PACSIN2: variants seen among roughly 807,000 people sequenced by gnomAD.
PACSIN2 encodes the protein protein kinase C and casein kinase substrate in neurons 2.
A neutral mutation model predicts 63.8 loss-of-function variants in PACSIN2; 25 were observed. That is an observed-to-expected ratio of 0.39 (90% CI 0.29 to 0.55). The LOEUF (loss-of-function observed/expected upper bound fraction) is 0.55, where lower values mean the gene tolerates loss of function less well. Among genes scored for constraint, PACSIN2 ranks in the 20% least tolerant of loss-of-function variants. The probability of loss-of-function intolerance (pLI) is 0.62; values close to 1 mark genes in which losing one functional copy is unlikely to be tolerated. For missense variants in PACSIN2, 518 were observed against 646.9 expected (o/e 0.80, Z 2.16); for synonymous variants, 255 against 256.2 (o/e 1.00, Z 0.05).
intron 1 of PACSIN2, among the ~76,000 whole-genome samples, chr22:43,000,855 T>C (rs1011134261): frequency 1.3e-5 from 2 of 152,224 alleles, no homozygotes; most frequent in African/African-American, 4.8e-5. Context: ...CGTGATCCAA[T>C]CACATTGACT....
At chr22:42,901,133 T>C (rs779930159) in intron 2 of PACSIN2, among the ~76,000 whole-genome samples, 2 of 152,106 alleles carry the variant, frequency 1.3e-5, no homozygotes, top group Non-Finnish European at 2.9e-5. Flanking sequence ...TCTGTGGCCC[T>C]GAAGGCCCAA....
intron 1 of PACSIN2, among the ~76,000 whole-genome samples, chr22:42,974,344 T>C (rs1486493601): frequency 6.6e-6 from 1 of 152,170 alleles, no homozygotes; most frequent in Non-Finnish European, 1.5e-5. Context: ...TAATTAGATA[T>C]GATCTACTTC....
At chr22:42,963,194 T>G (rs1332872114) in intron 1 of PACSIN2, among the ~76,000 whole-genome samples, 3 of 152,106 alleles carry the variant, frequency 2.0e-5, no homozygotes, top group Non-Finnish European at 4.4e-5. Context: ...GCAGCCAAGG[T>G]CCCTGCCCCG....
chr22:42,905,168 G>T (rs939887591), intron 2 of PACSIN2, among the ~76,000 whole-genome samples: 16 of 152,234 alleles, frequency 1.1e-4, no homozygotes, highest in African/African-American at 3.6e-4. Context: ...ACCCCGAAGT[G>T]CTAAATTCCC....
intron 5 of PACSIN2, 107 bp downstream of exon 5, chr22:42,888,536 T>C: frequency 9.1e-7 from 1 of 1,101,028 alleles, no homozygotes; most frequent in Non-Finnish European, 1.4e-6. Flanking sequence ...TGGTTATTTA[T>C]CCCTCTATCC....
chr22:42,950,425 T>TGGGGGAGGGGAGGGGGG (rs1569313906), intron 1 of PACSIN2, among the ~76,000 whole-genome samples: 1 of 13,706 alleles, frequency 7.3e-5, no homozygotes, highest in South Asian at 2.1e-3. Context: ...GGGAAGGGAG[T>TGGGGGAGGGGAGGGGGG]GGGCAGGTGG....
intron 1 of PACSIN2, among the ~76,000 whole-genome samples, chr22:42,932,951 ACC>A (rs1932812228): frequency 6.6e-6 from 1 of 152,208 alleles, no homozygotes; most frequent in African/African-American, 2.4e-5. Flanking sequence ...AATCAGAGGA[ACC>A]AACTGTGTTA....
intron 1 of PACSIN2, among the ~76,000 whole-genome samples, chr22:43,010,613 G>C (rs1490360058): frequency 6.6e-6 from 1 of 152,056 alleles, no homozygotes; most frequent in Non-Finnish European, 1.5e-5. Context: ...GGGAGGCTGA[G>C]GCAGGAGAAT....
At chr22:42,890,123 T>C (rs1005195278) in intron 4 of PACSIN2, among the ~76,000 whole-genome samples, 2 of 151,224 alleles carry the variant, frequency 1.3e-5, no homozygotes, top group Admixed American at 6.6e-5. Context: ...TCCCTCAGCC[T>C]CCTGAGTAGC....
chr22:42,965,888 A>G (rs1294851919), intron 1 of PACSIN2, among the ~76,000 whole-genome samples: 2 of 152,100 alleles, frequency 1.3e-5, no homozygotes, highest in Admixed American at 1.3e-4. Context: ...GTAAATCTTA[A>G]ATTCTAGAAA....
At chr22:42,906,677 T>C (rs560704876) in intron 2 of PACSIN2, among the ~76,000 whole-genome samples, 194 of 152,238 alleles carry the variant, frequency 1.3e-3, no homozygotes, top group Non-Finnish European at 2.2e-3. Flanking sequence ...CTGAAAAAGG[T>C]AGGTATACAG....
intron 1 of PACSIN2, among the ~76,000 whole-genome samples, chr22:42,954,886 C>T (rs1473954700): frequency 6.6e-6 from 1 of 152,124 alleles, no homozygotes; most frequent in Non-Finnish European, 1.5e-5. Flanking sequence ...TAAGAACAAA[C>T]TGGTTTGGAT....
At chr22:42,983,006 C>T (rs915890558) in intron 1 of PACSIN2, among the ~76,000 whole-genome samples, 2 of 151,416 alleles carry the variant, frequency 1.3e-5, no homozygotes, top group African/African-American at 2.4e-5. Context: ...CATGGTGAAA[C>T]CCCATCTCTA....
chr22:42,871,762 G>A lies in PACSIN2; in HGVS notation c.1349-293C>T, dbSNP rs187454651. ...CTGCGGCATCCAGCTCCATAGGGCT[G>A]TGCCTTCCTCACCACCCTGGCCAGG... On this transcript the variant is annotated intron_variant, in intron 10 of 10. Transcript: ENST00000263246. The surrounding 1 kb of genome is among the most constrained non-coding windows in gnomAD (Gnocchi z 5.4). Among the ~76,000 whole-genome samples the A allele has an allele frequency of 5.8e-4, 88 of 152,244 alleles. No homozygotes were observed. The highest frequency in any genetic ancestry group is 1.7e-3 in the African/African-American group (71 of 41,542).
chr22:42,887,371 A>T (rs555134003), intron 5 of PACSIN2, among the ~76,000 whole-genome samples: 17 of 152,220 alleles, frequency 1.1e-4, no homozygotes, highest in Non-Finnish European at 1.6e-4. Context: ...GCTGGATGGC[A>T]CGTGACTTAA....
chr22:42,924,549 G>A (rs1384236512), intron 1 of PACSIN2, among the ~76,000 whole-genome samples: 3 of 151,896 alleles, frequency 2.0e-5, no homozygotes, highest in Admixed American at 6.6e-5. Context: ...CTCCCAGCCC[G>A]CATCTGCTCA....
At chr22:43,001,799 T>C (rs1210759713) in intron 1 of PACSIN2, among the ~76,000 whole-genome samples, 7 of 152,178 alleles carry the variant, frequency 4.6e-5, no homozygotes, top group Non-Finnish European at 2.9e-5. Flanking sequence ...AGGGTAGACA[T>C]GGTGGAGGCA....
At chr22:42,901,928 C>T (rs1244307939) in intron 2 of PACSIN2, among the ~76,000 whole-genome samples, 1 of 152,254 alleles carries the variant, frequency 6.6e-6, no homozygotes, top group Non-Finnish European at 1.5e-5. Flanking sequence ...CTGGCCCTTC[C>T]TCTCCGTGGT....
At position 42,879,487 on chromosome 22, in the gene PACSIN2, C is replaced by G. The variant is rs551004212; in HGVS notation, c.907-318G>C. On this transcript the variant is annotated intron_variant, in intron 7 of 10. Coordinates refer to ENST00000263246, the MANE Select transcript of PACSIN2 (RefSeq NM_001184970.3). ...CCAGCGGGGGTGGCGAGGACCAGGG[C>G]AAGGTCCGGGGCCTCCTGTTCCTGA... 6.6e-5 allele frequency among the ~76,000 whole-genome samples: 10 copies of G among 152,334 alleles called. No individual in the cohort carries two copies. In the South Asian group the frequency reaches 2.1e-3, roughly 32 times the overall value.
Sources: gnomAD v4.1 joint callset for allele counts (sites outside exome capture counted in the v4.1 genomes callset) on GRCh38, gnomAD v4.1.1 for gene constraint, Gnocchi (gnomAD v3.1) non-coding constraint, MANE v1.5 for transcripts, NCBI Gene and HGNC (gene_info 2026-07-23, HGNC 2026-07-21) for gene names.